The following RDH16 variants were observed in gnomAD, a reference collection of about 807,000 sequenced individuals.
RDH16 encodes the protein human epidermal retinol dehydrogenase.
A neutral mutation model predicts 22.3 loss-of-function variants in RDH16; 25 were observed. The observed-to-expected ratio is 1.12, with a 90% CI of 0.82 to 1.56. The LOEUF (loss-of-function observed/expected upper bound fraction) is 1.56, where lower values mean the gene tolerates loss of function less well. Among genes scored for constraint, RDH16 ranks in the 40% most tolerant of loss-of-function variants. The pLI is 0.00. For missense variants in RDH16, 413 were observed against 394.9 expected, an observed-to-expected ratio of 1.05 and a Z score of -0.39; for synonymous variants, 154 against 164.4, an observed-to-expected ratio of 0.94 and a Z score of 0.48.
At chr12:56,957,000 T>C in intron 1 of RDH16, 150 bp downstream of exon 1, 1 of 778,418 alleles carries the variant, frequency 1.3e-6, no homozygotes, top group Non-Finnish European at 2.1e-6. Context: ...GAGATGGGGT[T>C]CAGGCAGCCT....
chr12:56,954,425 G>T (rs1955908521), intron 2 of RDH16, among the ~76,000 whole-genome samples: 1 of 152,214 alleles, frequency 6.6e-6, no homozygotes. Flanking sequence ...TCTCTAGGGT[G>T]CAAAGCATTC....
chr12:56,954,326 C>T (rs908291971), intron 2 of RDH16, among the ~76,000 whole-genome samples: 3 of 152,186 alleles, frequency 2.0e-5, no homozygotes, highest in African/African-American at 7.2e-5. Context: ...GGGGTGTTAG[C>T]AAGCCACATG....
chr12:56,957,189 C>T lies in RDH16; in HGVS notation c.274G>A (p.Ala92Thr), dbSNP rs1955936887. The change falls in exon 1 of 4, where the codon GCA becomes ACA. Residue 92 changes from alanine (A) to threonine (T), a missense_variant. Ala to Thr is a moderately conservative substitution (Grantham distance 58). Coordinates refer to ENST00000398138, the MANE Select transcript of RDH16 (RefSeq NM_003708.5). Reference protein sequence around the residue: ...LDVTKTESVAAAAQWVKECVR... With the variant: ...LDVTKTESVATAAQWVKECVR... ...CACTCCTTCACCCACTGGGCGGCTG[C>T]AGCAACGCTCTCTGTCTTGGTAACA... The T allele has an allele frequency of 1.2e-6, 2 of 1,613,666 alleles. No homozygotes were observed. Among genetic ancestry groups the T allele is most frequent in the East Asian group, 2.2e-5 (1 of 44,868 alleles).
At chr12:56,954,545 TC>T (rs1034387804) in intron 2 of RDH16, among the ~76,000 whole-genome samples, 1 of 152,172 alleles carries the variant, frequency 6.6e-6, no homozygotes, top group African/African-American at 2.4e-5. Context: ...TACACAGTGT[TC>T]CCCTGTCCTG....
At chr12:56,956,045 G>A (rs1357493388) in intron 1 of RDH16, among the ~76,000 whole-genome samples, 1 of 152,174 alleles carries the variant, frequency 6.6e-6, no homozygotes, top group Non-Finnish European at 1.5e-5. Context: ...GTCCAGGCAG[G>A]GGGTGGCAGT....
chr12:56,952,144 C>A lies in RDH16; in HGVS notation c.839G>T (p.Arg280Leu). Reference sequence around the variant, plus strand: ...CTTGGCATCCCAGCCAGCTGAGTAGCGAGTACGGGGGTGGCAGGCAATCAG... The same window carrying A: ...CTTGGCATCCCAGCCAGCTGAGTAGAGAGTACGGGGGTGGCAGGCAATCAG... ...HALIACHPRT[R>L]YSAGWDAKLL... The change falls in exon 4 of 4, where the codon CGC becomes CTC. Residue 280 changes from arginine to leucine, a missense_variant. Physicochemically the swap from Arg to Leu is moderately radical, Grantham distance 102 (BLOSUM62 -2). Transcript: ENST00000398138. The A allele has an allele frequency of 6.2e-7, 1 of 1,614,148 alleles. No homozygotes were observed. Among genetic ancestry groups the A allele is most frequent in the Non-Finnish European group, 8.5e-7 (1 of 1,180,022 alleles).
intron 3 of RDH16, 75 bp from the exon 4 acceptor site, chr12:56,952,321 A>C (rs1242886735): frequency 2.1e-6 from 3 of 1,406,498 alleles, no homozygotes; most frequent in Non-Finnish European, 2.9e-6. Flanking sequence ...CTTAGAGTGG[A>C]AAGGGTCTAA....
intron 3 of RDH16, 61 bp from the exon 4 acceptor site, chr12:56,952,307 T>A: frequency 6.6e-7 from 1 of 1,508,588 alleles, no homozygotes; most frequent in South Asian, 1.2e-5. Context: ...TGCTTTGGAT[T>A]CAACTTAGAG....
intron 2 of RDH16, among the ~76,000 whole-genome samples, chr12:56,953,425 T>TTA (rs1340349518): frequency 7.9e-5 from 12 of 152,274 alleles, no homozygotes; most frequent in African/African-American, 2.9e-4. Context: ...CTCCCCACAC[T>TTA]TACAACCACT....
chr12:56,954,371 A>G (rs904430942), intron 2 of RDH16, among the ~76,000 whole-genome samples: 1 of 152,194 alleles, frequency 6.6e-6, no homozygotes, highest in Non-Finnish European at 1.5e-5. Context: ...CTCCCTGGCT[A>G]GGGGACCAAC....
chr12:56,957,421 A>G lies in RDH16; in HGVS notation c.42T>C (p.Leu14=). 6.2e-7 allele frequency: 1 copy of G among 1,613,974 alleles called. No individual in the cohort carries two copies. Among genetic ancestry groups the G allele is most frequent in the East Asian group, 2.2e-5 (1 of 44,868 alleles). The change falls in exon 1 of 4, where the codon CTT becomes CTC. Residue 14 remains leucine, a synonymous_variant. Coordinates refer to ENST00000398138, the MANE Select transcript of RDH16 (RefSeq NM_003708.5). ...YLAVFVGLYY[L]LHWYRERQVL... Reference sequence around the variant, plus strand: ...CCTGCCTCTCCCGGTACCAGTGCAGAAGGTAGTACAGGCCCACGAAAACCG... The same window carrying G: ...CCTGCCTCTCCCGGTACCAGTGCAGGAGGTAGTACAGGCCCACGAAAACCG...
At chr12:56,955,623 G>A (rs1282434095) in intron 1 of RDH16, among the ~76,000 whole-genome samples, 3 of 152,124 alleles carry the variant, frequency 2.0e-5, no homozygotes, top group African/African-American at 7.2e-5. Context: ...GAAAGAGGGA[G>A]AGTGAGGGAG....
At chr12:56,952,281 C>T (rs565438137) in intron 3 of RDH16, 35 bp from the exon 4 acceptor site, 1 of 1,585,018 alleles carries the variant, frequency 6.3e-7, no homozygotes, top group African/African-American at 1.3e-5. Flanking sequence ...TGTATATTTC[C>T]ACCTCTAACC....
intron 2 of RDH16, 22 bp from the exon 3 acceptor site, chr12:56,953,012 G>A (rs775761484): frequency 4.4e-6 from 7 of 1,585,670 alleles, no homozygotes; most frequent in Admixed American, 3.7e-5. Context: ...AGAAGCAGAG[G>A]GGAAAAACTT....
At position 56,955,021 on chromosome 12, in the gene RDH16, T is replaced by C. The variant is rs372580365; in HGVS notation, c.457A>G (p.Arg153Gly). The C allele has an allele frequency of 5.3e-5, 85 of 1,613,960 alleles. No individual in the cohort carries two copies. The highest frequency in any genetic ancestry group is 6.8e-5 in the Non-Finnish European group (80 of 1,180,018). ...DVTLSLLPLVRRARGRVVNVS... is the reference protein window; with the variant it reads ...DVTLSLLPLVGRARGRVVNVS... Reference sequence around the variant, plus strand: ...TTGACCACACGGCCCCTGGCCCTCCTCACTAAGGGCAGCAGGCTCAGAGTC... The same window carrying C: ...TTGACCACACGGCCCCTGGCCCTCCCCACTAAGGGCAGCAGGCTCAGAGTC... Residue 153 changes from arginine (R) to glycine (G), a missense_variant, in exon 2 of 4, where the codon AGG becomes GGG. Arg to Gly is a moderately radical substitution (Grantham distance 125). Transcript: ENST00000398138.
In RDH16 at chr12:56,951,847, C is replaced by T; in HGVS notation, c.*182G>A. 3.3e-6 allele frequency: 2 copies of T among 605,800 alleles called. No individual in the cohort carries two copies. The highest frequency in any genetic ancestry group is 5.8e-6 in the Non-Finnish European group (2 of 342,102). The allele number at this position is 605,800 out of a possible 1,614,324, so 37.5% of individuals were successfully genotyped here. On this transcript the variant is annotated 3_prime_UTR_variant, in exon 4 of 4. Coordinates refer to ENST00000398138, the MANE Select transcript of RDH16 (RefSeq NM_003708.5). ...AGCTGCGTAACTTGAAACTTTCCTA[C>T]CAACATCTCCAGAGAGCAGAATTAT... is the stretch of plus-strand genomic sequence containing the variant.
intron 2 of RDH16, among the ~76,000 whole-genome samples, chr12:56,954,485 G>A (rs1033923429): frequency 6.6e-6 from 1 of 152,190 alleles, no homozygotes; most frequent in Admixed American, 6.5e-5. Flanking sequence ...CCAATACCAA[G>A]GTGCAATGGG....
intron 2 of RDH16, among the ~76,000 whole-genome samples, chr12:56,953,764 A>T (rs1280850692): frequency 2.0e-5 from 3 of 152,058 alleles, no homozygotes; most frequent in African/African-American, 7.2e-5. Context: ...CCCCAGCTTG[A>T]GTTTTCAATC....
intron 2 of RDH16, among the ~76,000 whole-genome samples, 177 bp from the exon 3 acceptor site, chr12:56,953,167 G>A (rs1282513467): frequency 6.6e-6 from 1 of 152,166 alleles, no homozygotes; most frequent in Admixed American, 6.5e-5. Context: ...CATTCCCTCT[G>A]TATGGAGTTT....
Sources: gnomAD v4.1 joint callset for allele counts (sites outside exome capture counted in the v4.1 genomes callset) on GRCh38, gnomAD v4.1.1 for gene constraint, MANE v1.5 for transcripts, NCBI Gene and HGNC (gene_info 2026-07-23, HGNC 2026-07-21) for gene names.